The following CDH12 variants were observed in gnomAD, a reference collection of about 807,000 sequenced individuals.
The protein encoded by CDH12 is cadherin 12, also known as cadherin-12.
CDH12 carries 41 observed loss-of-function variants against 74.1 expected under a neutral mutation model. The ratio of observed to expected loss-of-function variants is 0.55; its 90% confidence interval spans 0.43 to 0.72. The LOEUF is 0.72. Ranked by LOEUF, CDH12 falls within the 30% of genes least tolerant of loss-of-function variation. CDH12 has a pLI of 0.00. For synonymous variants in CDH12, 399 were observed against 355.0 expected (o/e 1.12, Z -1.39); for missense variants, 945 against 977.2 (o/e 0.97, Z 0.44).
At chr5:22,644,616 A>G (rs1739338808) in intron 1 of CDH12, among the ~76,000 whole-genome samples, 1 of 152,030 alleles carries the variant, frequency 6.6e-6, no homozygotes, top group Non-Finnish European at 1.5e-5. Context: ...TAAGGCAGTA[A>G]GTGCTTATAT....
chr5:22,085,160 C>T (rs1033967450), intron 4 of CDH12, among the ~76,000 whole-genome samples: 2 of 146,084 alleles, frequency 1.4e-5, no homozygotes, highest in Non-Finnish European at 3.0e-5. Context: ...CCCAACATCC[C>T]TTTTAGCAGG....
At chr5:22,746,704 G>A (rs972242832) in intron 1 of CDH12, among the ~76,000 whole-genome samples, 2 of 152,162 alleles carry the variant, frequency 1.3e-5, no homozygotes, top group African/African-American at 4.8e-5. Context: ...TCACTGCAAT[G>A]TATTAAATTA....
At chr5:21,848,776 T>C (rs992391100) in intron 7 of CDH12, among the ~76,000 whole-genome samples, 3 of 151,896 alleles carry the variant, frequency 2.0e-5, no homozygotes, top group African/African-American at 7.2e-5. Context: ...CAGGAGTTCT[T>C]TCTTCCAGAA....
intron 1 of CDH12, among the ~76,000 whole-genome samples, chr5:22,749,559 T>G (rs1285441782): frequency 6.6e-6 from 1 of 152,162 alleles, no homozygotes; most frequent in African/African-American, 2.4e-5. Flanking sequence ...ACTTATATAT[T>G]TCTAAAAGTA....
At chr5:22,441,995 A>G (rs544047179) in intron 2 of CDH12, among the ~76,000 whole-genome samples, 1 of 152,230 alleles carries the variant, frequency 6.6e-6, no homozygotes, top group Non-Finnish European at 1.5e-5. Flanking sequence ...TGAGCCATGG[A>G]GCGTGGCCCC....
At chr5:22,842,649 G>A (rs539641954) in intron 1 of CDH12, among the ~76,000 whole-genome samples, 25 of 152,216 alleles carry the variant, frequency 1.6e-4, no homozygotes, top group African/African-American at 4.6e-4. Context: ...ACTCTAGAAC[G>A]AAAGATGAAA....
At chr5:22,327,408 G>A (rs1410664643) in intron 3 of CDH12, among the ~76,000 whole-genome samples, 5 of 149,392 alleles carry the variant, frequency 3.3e-5, no homozygotes, top group Non-Finnish European at 7.4e-5. Context: ...GCCACTGACC[G>A]GGAGATAAAA....
At chr5:22,545,898 C>T (rs1738303467) in intron 1 of CDH12, among the ~76,000 whole-genome samples, 1 of 151,996 alleles carries the variant, frequency 6.6e-6, no homozygotes. Flanking sequence ...TTGAGTTATA[C>T]AGTAATGTCA....
At chr5:22,440,003 T>G (rs1437125994) in intron 2 of CDH12, among the ~76,000 whole-genome samples, 1 of 152,092 alleles carries the variant, frequency 6.6e-6, no homozygotes, top group Non-Finnish European at 1.5e-5. Context: ...TTTACTATCC[T>G]CATTACTACA....
At chr5:22,411,387 A>G (rs1167621949) in intron 2 of CDH12, among the ~76,000 whole-genome samples, 1 of 151,932 alleles carries the variant, frequency 6.6e-6, no homozygotes, top group East Asian at 1.9e-4. Context: ...TTACTTAAAT[A>G]GTATGATTAG....
At chr5:21,770,014 T>G (rs1745234357) in intron 11 of CDH12, among the ~76,000 whole-genome samples, 1 of 152,150 alleles carries the variant, frequency 6.6e-6, no homozygotes, top group African/African-American at 2.4e-5. Flanking sequence ...AGCTATTAAC[T>G]AACTCAGAGA....
At position 22,817,311 on chromosome 5, in the gene CDH12, T is replaced by G. The variant is rs79276361; in HGVS notation, c.-523+35747A>C. Among the ~76,000 whole-genome samples the G allele has an allele frequency of 2.5e-3, 375 of 152,184 alleles. 6 individuals carry two copies. The East Asian group carries it at 0.045, about 18-fold the overall frequency. ...TTATGTTTCTCACATTATTTACTAC[T>G]TAAAATTGTTTAAAAATGATATTAT... On this transcript the variant is annotated intron_variant, in intron 1 of 14. Coordinates refer to ENST00000382254, the MANE Select transcript of CDH12 (RefSeq NM_004061.5).
At chr5:21,944,572 T>C (rs1324476713) in intron 6 of CDH12, among the ~76,000 whole-genome samples, 5 of 152,168 alleles carry the variant, frequency 3.3e-5, no homozygotes, top group Non-Finnish European at 1.5e-5. Flanking sequence ...TCTGTGGTGA[T>C]TAATTGGTGT....
rs60257948 is a variant in CDH12, at chr5:22,228,028, C to T, written c.-332-15385G>A. ...TTTCAGCTTTGCTATTTAATAACTGCAAACTTGGGATAAGTGATTTCACTT... is the reference window on the plus strand; with the variant it reads ...TTTCAGCTTTGCTATTTAATAACTGTAAACTTGGGATAAGTGATTTCACTT... On this transcript the variant is annotated intron_variant, in intron 3 of 14. Coordinates refer to ENST00000382254, the MANE Select transcript of CDH12 (RefSeq NM_004061.5). Among the ~76,000 whole-genome samples the T allele has an allele frequency of 3.7e-3, 570 of 152,152 alleles. 5 individuals are homozygous for T. The highest frequency in any genetic ancestry group is 0.013 in the African/African-American group (554 of 41,518).
At chr5:22,503,738 G>C (rs1490009309) in intron 2 of CDH12, among the ~76,000 whole-genome samples, 1 of 152,120 alleles carries the variant, frequency 6.6e-6, no homozygotes, top group Non-Finnish European at 1.5e-5. Flanking sequence ...ACATAGCACA[G>C]AGTGAACCAA....
At chr5:22,815,191 A>G (rs1749327515) in intron 1 of CDH12, among the ~76,000 whole-genome samples, 1 of 152,160 alleles carries the variant, frequency 6.6e-6, no homozygotes, top group Non-Finnish European at 1.5e-5. Context: ...ACTCACCACA[A>G]GTGAAGCAGG....
intron 3 of CDH12, among the ~76,000 whole-genome samples, chr5:22,277,432 T>C (rs1020733730): frequency 2.0e-5 from 3 of 151,978 alleles, no homozygotes; most frequent in African/African-American, 7.3e-5. Flanking sequence ...TCTGAGAAGG[T>C]AGGGTGGCTA....
chr5:21,783,323 C>A, intron 11 of CDH12, 35 bp downstream of exon 11: 1 of 1,581,702 alleles, frequency 6.3e-7, no homozygotes, highest in South Asian at 1.1e-5. Flanking sequence ...CAAAGAACTG[C>A]AGTATAACAT....
At chr5:21,849,907 G>A (rs865937506) in intron 7 of CDH12, among the ~76,000 whole-genome samples, 1 of 151,630 alleles carries the variant, frequency 6.6e-6, no homozygotes, top group Non-Finnish European at 1.5e-5. Flanking sequence ...CAAAGTAGTT[G>A]TTCATCAGTG....
Sources: allele counts gnomAD v4.1 joint callset (sites outside exome capture counted in the v4.1 genomes callset), GRCh38; gene constraint gnomAD v4.1.1; transcripts MANE v1.5; gene names NCBI Gene and HGNC (gene_info 2026-07-23, HGNC 2026-07-21).